The following STRA6 variants were observed in gnomAD, a reference collection of about 807,000 sequenced individuals.
The protein encoded by STRA6 is signaling receptor and transporter of retinol STRA6.
A neutral mutation model predicts 83.6 loss-of-function variants in STRA6; 48 were observed. The observed-to-expected ratio is 0.57, with a 90% CI of 0.46 to 0.73. The LOEUF (loss-of-function observed/expected upper bound fraction) is 0.73, where lower values mean the gene tolerates loss of function less well. STRA6 is among the 30% of genes least tolerant of loss of function. The probability of loss-of-function intolerance (pLI) is 0.00; values close to 1 mark genes in which losing one functional copy is unlikely to be tolerated. For synonymous variants in STRA6, 353 were observed against 362.3 expected (o/e 0.97, Z 0.29); for missense variants, 760 against 838.8 (o/e 0.91, Z 1.16).
At chr15:74,211,746 T>C (rs933159240), upstream of STRA6, among the ~76,000 whole-genome samples, 2 of 152,088 alleles carry the variant, frequency 1.3e-5, no homozygotes, top group African/African-American at 2.4e-5. Context: ...TCTGCCTTTC[T>C]GCCCCTGTCC....
At chr15:74,184,537 C>G (rs1219903268) in intron 13 of STRA6, among the ~76,000 whole-genome samples, 2 of 152,208 alleles carry the variant, frequency 1.3e-5, no homozygotes, top group African/African-American at 2.4e-5. Flanking sequence ...TACCACCTCT[C>G]CAGTGTGCTA....
At chr15:74,206,439 C>T (rs1263064063), upstream of STRA6, among the ~76,000 whole-genome samples, 2 of 152,174 alleles carry the variant, frequency 1.3e-5, no homozygotes, top group Non-Finnish European at 2.9e-5. Flanking sequence ...CCTGGGAAGA[C>T]GGCAGGAGGC....
chr15:74,203,041 C>G (rs567567924), upstream of STRA6: 7 of 985,912 alleles, frequency 7.1e-6, no homozygotes, highest in South Asian at 3.3e-4. Context: ...CAAGCCCCTG[C>G]CCGCCACATC....
chr15:74,202,565 T>G (rs1333241537), intron 1 of STRA6, 148 bp downstream of exon 1: 1 of 1,474,166 alleles, frequency 6.8e-7, no homozygotes, highest in East Asian at 2.5e-5. Flanking sequence ...GCCCCGGGGC[T>G]CCCGCTGGCG....
In STRA6 at chr15:74,196,306, G is replaced by C. The variant is rs192681325; in HGVS notation, c.267-159C>G. On this transcript the variant is annotated intron_variant, in intron 4 of 18. Transcript: ENST00000395105. ...TTCATTCATTCCATAGATATTTGTG[G>C]AGTGCCTCTTATCTACCAAGCTCTG... 13 of 1,200,308 alleles carry C rather than the reference G, an allele frequency of 1.1e-5. No individual in the cohort carries two copies. In the Admixed American group the frequency reaches 2.3e-4, roughly 21 times the overall value. The allele number at this position is 1,200,308 out of a possible 1,614,324, so 74.4% of individuals were successfully genotyped here. A position where few individuals can be genotyped will look rare whatever the true frequency, so the allele number is the denominator to read the frequency against.
intron 7 of STRA6, among the ~76,000 whole-genome samples, 162 bp from the exon 8 acceptor site, chr15:74,194,084 C>A (rs746893353): frequency 6.6e-6 from 1 of 152,180 alleles, no homozygotes; most frequent in Admixed American, 6.5e-5. Flanking sequence ...CCAGCGCAAA[C>A]CTGCCCACTT....
chr15:74,180,338 C>G, intron 18 of STRA6, 95 bp from the exon 19 acceptor site: 2 of 1,514,472 alleles, frequency 1.3e-6, no homozygotes, highest in Non-Finnish European at 1.8e-6. Context: ...AAATCCCAGG[C>G]GTGTGCAGGT....
upstream of STRA6, among the ~76,000 whole-genome samples, chr15:74,211,393 C>CTTTTTT (rs34963230): frequency 7.4e-4 from 55 of 73,882 alleles, no homozygotes; most frequent in East Asian, 1.7e-3. Flanking sequence ...CTGCCCCTGG[C>CTTTTTT]TTTTTTTTTT....
rs1203740452 is a variant in STRA6 at position 74,189,128 on chromosome 15, C to A, written c.1077G>T (p.Leu359=). The A allele has an allele frequency of 6.2e-7, 1 of 1,614,046 alleles. No individual in the cohort carries two copies. The highest frequency in any genetic ancestry group is 8.5e-7 in the Non-Finnish European group (1 of 1,180,042). The change falls in exon 12 of 19, where the codon CTG becomes CTT. Residue 359 remains leucine (L), a synonymous_variant. Coordinates refer to ENST00000395105, the MANE Select transcript of STRA6 (RefSeq NM_022369.4). The stretch of plus-strand genomic sequence containing the variant: ...TGGAGGCCTCACCTTCCAGAGCCCA[C>A]AGATGGTGCTTCACCAGCTCCACCA... ...QEVVELVKHH[L]WALEVCYISA... is the part of the protein sequence containing the mutation.
chr15:74,189,597 C>G (rs1329288841), intron 11 of STRA6, among the ~76,000 whole-genome samples: 1 of 152,058 alleles, frequency 6.6e-6, no homozygotes, highest in Non-Finnish European at 1.5e-5. Flanking sequence ...TGGGGAAAAA[C>G]CCTCAATAAA....
chr15:74,180,433 G>C (rs1364738379), intron 18 of STRA6, among the ~76,000 whole-genome samples, 190 bp from the exon 19 acceptor site: 1 of 152,168 alleles, frequency 6.6e-6, no homozygotes, highest in Non-Finnish European at 1.5e-5. Context: ...GGTGGGACAA[G>C]GGTCTGGAGC....
chr15:74,195,520 C>A (rs772038602), intron 6 of STRA6, 52 bp from the exon 7 acceptor site: 1 of 1,602,208 alleles, frequency 6.2e-7, no homozygotes, highest in Non-Finnish European at 8.5e-7. Context: ...AGACATGGGG[C>A]CTGCAGTGAG....
chr15:74,182,547 G>T, intron 14 of STRA6, 87 bp from the exon 15 acceptor site: 1 of 1,096,780 alleles, frequency 9.1e-7, no homozygotes, highest in Non-Finnish European at 1.4e-6. Flanking sequence ...AAGGGCTTTG[G>T]GATTGGGCAG....
chr15:74,191,445 C>A lies in STRA6; in HGVS notation c.767G>T (p.Cys256Phe). 1 of 1,614,194 alleles carries A rather than the reference C, an allele frequency of 6.2e-7. No individual in the cohort carries two copies. The highest frequency in any genetic ancestry group is 8.5e-7 in the Non-Finnish European group (1 of 1,180,022). ...YSEEYLRNLL[C>F]RKKLGSSYHT... is the part of the protein sequence containing the mutation. ...CCACCTGCTTCCCAGCTTCTTCCTG[C>A]AAAGGAGGTTCCTCAGATATTCCTC... Residue 256 changes from cysteine to phenylalanine, a missense_variant, in exon 9 of 19, where the codon TGC becomes TTC. Physicochemically the swap from Cys to Phe is radical, Grantham distance 205 (BLOSUM62 -2). Coordinates refer to ENST00000395105, the MANE Select transcript of STRA6 (RefSeq NM_022369.4).
upstream of STRA6, chr15:74,209,740 G>A: frequency 7.8e-6 from 3 of 385,700 alleles, no homozygotes; most frequent in Admixed American, 4.3e-5. Flanking sequence ...CTTCCTAGAG[G>A]GGGTATCCTG....
At position 74,191,178 on chromosome 15, in the gene STRA6, G is replaced by C. The variant is rs746814654; in HGVS notation, c.854C>G (p.Thr285Ser). 11 of 1,613,944 alleles carry C rather than the reference G, an allele frequency of 6.8e-6. No individual in the cohort carries two copies. Among genetic ancestry groups the C allele is most frequent in the Non-Finnish European group, 9.3e-6 (11 of 1,179,990 alleles). ...TCCCAACCCCATACCTGGCTGTGGA[G>C]TGTAGATGCAGTGTCTCAAGCAGAC... ...ARVCLRHCIY[T>S]PQPGFHLPLK... Residue 285 changes from threonine to serine, a missense_variant, in exon 10 of 19, where the codon ACT (threonine) becomes AGT (serine). Coordinates refer to ENST00000395105, the MANE Select transcript of STRA6 (RefSeq NM_022369.4).
Position 74,197,733 on chromosome 15 carries a change from C to G in STRA6, c.180+19G>C. 1 of 1,612,766 alleles carries G rather than the reference C, an allele frequency of 6.2e-7. No individual in the cohort carries two copies. Among genetic ancestry groups the G allele is most frequent in the Non-Finnish European group, 8.5e-7 (1 of 1,179,984 alleles). ...CTGGCAGCAGCTTGCAAGCCAGGTT[C>G]AACTTGGGTTGGACTCACTGACAGC... On this transcript the variant is annotated intron_variant, in intron 3 of 18. Transcript: ENST00000395105.
At chr15:74,206,266 G>A (rs996989218), upstream of STRA6, among the ~76,000 whole-genome samples, 1 of 152,234 alleles carries the variant, frequency 6.6e-6, no homozygotes, top group African/African-American at 2.4e-5. Flanking sequence ...GGGTGGGCAG[G>A]CTGGGTTGAA....
At chr15:74,200,756 C>A (rs2074022118) in intron 2 of STRA6, among the ~76,000 whole-genome samples, 1 of 152,216 alleles carries the variant, frequency 6.6e-6, no homozygotes. Context: ...TCATGCCCTG[C>A]AGTGGGAGAA....
Sources: allele counts gnomAD v4.1 joint callset (sites outside exome capture counted in the v4.1 genomes callset), GRCh38; gene constraint gnomAD v4.1.1; transcripts MANE v1.5; gene names NCBI Gene and HGNC (gene_info 2026-07-23, HGNC 2026-07-21).